Variants in SUGP2 observed in about 807,000 individuals in gnomAD.
SUGP2 encodes the protein SURP and G-patch domain containing 2.
SUGP2 carries 24 observed loss-of-function variants against 90.5 expected under a neutral mutation model. The observed-to-expected ratio is 0.27, with a 90% CI of 0.19 to 0.37. The LOEUF is 0.37. Ranked by LOEUF, SUGP2 falls within the 10% of genes least tolerant of loss-of-function variation. SUGP2 has a pLI of 1.00. For synonymous variants in SUGP2, 473 were observed against 513.4 expected (o/e 0.92, Z 1.06); for missense variants, 1,233 against 1,363.3 (o/e 0.90, Z 1.51).
In SUGP2 at chr19:18,995,139, C is replaced by T. The variant is rs2057524072; in HGVS notation, c.3128+5G>A. Reference sequence around the variant, plus strand: ...CACTCCCACCCCAGGCTGCCTGCTGCGTACACGCTGACCGGCTCCCTGATG... The same window carrying T: ...CACTCCCACCCCAGGCTGCCTGCTGTGTACACGCTGACCGGCTCCCTGATG... On this transcript the variant is annotated splice_donor_5th_base_variant and intron_variant, in intron 9 of 10. Coordinates refer to ENST00000452918, the MANE Select transcript of SUGP2 (RefSeq NM_001017392.5). 4 of 1,587,192 alleles carry T rather than the reference C, an allele frequency of 2.5e-6. No homozygotes were observed. The highest frequency in any genetic ancestry group is 2.6e-6 in the Non-Finnish European group (3 of 1,163,980).
rs1365669635 is a variant in SUGP2 at position 18,995,269 on chromosome 19, G to A, written c.3003C>T (p.Asp1001=). The A allele has an allele frequency of 6.2e-7, 1 of 1,608,018 alleles. No individual in the cohort carries two copies. Among genetic ancestry groups the A allele is most frequent in the Non-Finnish European group, 8.5e-7 (1 of 1,177,486 alleles). ...RPMSKKKKPK[D]LDFAQQKLTD... ...TCAGCTTCTGCTGGGCGAAGTCCAAGTCCTTGGGTTTCTGAGGAGAGAGGA... is the reference window on the plus strand; with the variant it reads ...TCAGCTTCTGCTGGGCGAAGTCCAAATCCTTGGGTTTCTGAGGAGAGAGGA... The change falls in exon 9 of 11, where the codon GAC becomes GAT. Residue 1001 remains aspartate, a synonymous_variant. Coordinates refer to ENST00000452918, the MANE Select transcript of SUGP2 (RefSeq NM_001017392.5).
At chr19:19,009,767 T>G (rs1046543087) in intron 5 of SUGP2, 88 bp downstream of exon 5, 2 of 1,488,228 alleles carry the variant, frequency 1.3e-6, no homozygotes, top group African/African-American at 1.4e-5. Flanking sequence ...CTTGCCTAGA[T>G]TGCAGGCCCC....
intron 6 of SUGP2, among the ~76,000 whole-genome samples, chr19:19,006,243 G>A (rs947331270): frequency 8.2e-6 from 1 of 121,892 alleles, no homozygotes; most frequent in Non-Finnish European, 1.8e-5. Context: ...TAAATAAAAC[G>A]GATTGTATGA....
intron 4 of SUGP2, among the ~76,000 whole-genome samples, chr19:19,014,736 T>A (rs2058433249): frequency 1.3e-5 from 2 of 151,000 alleles, no homozygotes; most frequent in Admixed American, 6.6e-5. Flanking sequence ...AGGTTGAGGC[T>A]GCAGTGAACT....
chr19:19,031,002 T>C lies in SUGP2; in HGVS notation c.70A>G (p.Met24Val), dbSNP rs1292748517. Residue 24 changes from methionine to valine, a missense_variant, in exon 2 of 11, where the codon ATG becomes GTG. Met to Val is a conservative substitution (Grantham distance 21). Coordinates refer to ENST00000452918, the MANE Select transcript of SUGP2 (RefSeq NM_001017392.5). ...CTTACAGCCTCACCACTGGCATCCA[T>C]GTGATATCGTTTGGCTTTTTCTTGT... ...VLQEKAKRYH[M>V]DASGEAVSET... 1.9e-6 allele frequency: 3 copies of C among 1,613,926 alleles called. No homozygotes were observed. Among genetic ancestry groups the C allele is most frequent in the East Asian group, 4.5e-5 (2 of 44,884 alleles).
chr19:19,007,242 C>T (rs909437400), intron 6 of SUGP2: 1 of 152,254 alleles, frequency 6.6e-6, no homozygotes, highest in African/African-American at 2.4e-5. Context: ...GGTACCTGCT[C>T]CCAGCATGAG....
chr19:19,033,618 T>A, upstream of SUGP2: 1 of 1,155,164 alleles, frequency 8.7e-7, no homozygotes, highest in Non-Finnish European at 1.1e-6. Context: ...CCGGCTCTCT[T>A]GCGCAAGCGC....
At chr19:19,019,007 G>T in intron 4 of SUGP2, 102 bp downstream of exon 4, 2 of 1,330,138 alleles carry the variant, frequency 1.5e-6, no homozygotes, top group Non-Finnish European at 2.1e-6. Flanking sequence ...AACACCACTT[G>T]CTCAAGTATC....
intron 6 of SUGP2, 30 bp from the exon 7 acceptor site, chr19:19,004,676 C>A: frequency 6.6e-7 from 1 of 1,510,504 alleles, no homozygotes; most frequent in Non-Finnish European, 9.0e-7. Flanking sequence ...CATTGGGTAA[C>A]CAGATGGAAT....
At chr19:19,022,405 G>T (rs2058761464) in intron 3 of SUGP2, among the ~76,000 whole-genome samples, 1 of 152,204 alleles carries the variant, frequency 6.6e-6, no homozygotes, top group Admixed American at 6.6e-5. Context: ...CTAACTACAT[G>T]TGAACCCAGG....
intron 4 of SUGP2, among the ~76,000 whole-genome samples, chr19:19,016,077 T>G (rs115893367): frequency 6.6e-6 from 1 of 152,162 alleles, no homozygotes; most frequent in East Asian, 1.9e-4. Context: ...TCTTCTAGGG[T>G]GTCAGGAGTT....
chr19:19,017,286 ACAT>A (rs2058534487), intron 4 of SUGP2, among the ~76,000 whole-genome samples: 1 of 152,238 alleles, frequency 6.6e-6, no homozygotes, highest in African/African-American at 2.4e-5. Context: ...CTAATGATAA[ACAT>A]CAATGGTCTC....
chr19:19,029,335 C>A (rs1430319961), intron 2 of SUGP2, among the ~76,000 whole-genome samples: 1 of 151,482 alleles, frequency 6.6e-6, no homozygotes. Flanking sequence ...AGGGTTTCAC[C>A]GTGTTAGCCA....
At chr19:18,998,473 A>C (rs928932878) in intron 8 of SUGP2, among the ~76,000 whole-genome samples, 1 of 152,020 alleles carries the variant, frequency 6.6e-6, no homozygotes, top group African/African-American at 2.4e-5. Flanking sequence ...TAATCTTCTT[A>C]TTGTCAGTTC....
intron 4 of SUGP2, 72 bp from the exon 5 acceptor site, chr19:19,010,414 C>G (rs904334308): frequency 1.3e-6 from 2 of 1,555,102 alleles, no homozygotes; most frequent in African/African-American, 2.7e-5. Context: ...CCTTCAAACA[C>G]AAACCCTTTC....
chr19:19,007,823 A>C (rs1339431363), intron 6 of SUGP2, among the ~76,000 whole-genome samples: 1 of 134,438 alleles, frequency 7.4e-6, no homozygotes. Context: ...GCAGTGGCTC[A>C]ATCTCAGCTC....
chr19:19,027,357 C>T (rs2058975989), intron 2 of SUGP2, among the ~76,000 whole-genome samples: 1 of 152,080 alleles, frequency 6.6e-6, no homozygotes, highest in Admixed American at 6.6e-5. Context: ...GGTTAAGAGG[C>T]CACAGGAAGC....
upstream of SUGP2, chr19:19,033,563 C>A (rs1331558601): frequency 3.2e-6 from 4 of 1,252,650 alleles, no homozygotes; most frequent in African/African-American, 4.8e-5. Flanking sequence ...CGCGCAGGCG[C>A]AAGCCGCCGC....
At chr19:19,033,566 G>C (rs1599617906), upstream of SUGP2, 1 of 1,242,938 alleles carries the variant, frequency 8.0e-7, no homozygotes, top group Non-Finnish European at 1.0e-6. Context: ...GCAGGCGCAA[G>C]CCGCCGCCGA....
Sources: gnomAD v4.1 joint callset for allele counts (sites outside exome capture counted in the v4.1 genomes callset) on GRCh38, gnomAD v4.1.1 for gene constraint, MANE v1.5 for transcripts, NCBI Gene and HGNC (gene_info 2026-07-23, HGNC 2026-07-21) for gene names.